NHEJ1: variants seen among roughly 807,000 people sequenced by gnomAD.
NHEJ1 encodes the protein non-homologous end-joining factor 1.
Under a neutral mutation model 39.4 loss-of-function variants are expected in NHEJ1, and 22 were observed. The ratio of observed to expected loss-of-function variants is 0.56; its 90% CI spans 0.40 to 0.80. The LOEUF is 0.80. Ranked by LOEUF, NHEJ1 falls within the 30% of genes least tolerant of loss-of-function variation. NHEJ1 has a pLI of 0.00. For missense variants in NHEJ1, 329 were observed against 357.1 expected, an observed-to-expected ratio of 0.92 and a Z score of 0.63; for synonymous variants, 154 against 135.6, an observed-to-expected ratio of 1.14 and a Z score of -0.94.
In NHEJ1 at chr2:219,121,802, G is replaced by C. The variant is rs1488493756; in HGVS notation, c.588+24878C>G. Among the ~76,000 whole-genome samples the C allele has an allele frequency of 2.0e-5, 3 of 151,586 alleles. No homozygotes were observed. The East Asian group carries it at 5.8e-4, about 29-fold the overall frequency. On this transcript the variant is annotated intron_variant, in intron 5 of 7. Coordinates refer to ENST00000356853, the MANE Select transcript of NHEJ1 (RefSeq NM_024782.3). ...GATTGCACCACCACACTCCAGCCTG[G>C]GCAATAGACCCTATCTTAAAAAAAA...
chr2:219,079,519 T>C (rs1324079220), intron 5 of NHEJ1, among the ~76,000 whole-genome samples: 2 of 152,168 alleles, frequency 1.3e-5, no homozygotes, highest in African/African-American at 4.8e-5. Context: ...AAATGTCACA[T>C]ACATTTCTAC....
At position 219,126,443 on chromosome 2, in the gene NHEJ1, T is replaced by C. The variant is rs566023722; in HGVS notation, c.588+20237A>G. On this transcript the variant is annotated intron_variant, in intron 5 of 7. Coordinates refer to ENST00000356853, the MANE Select transcript of NHEJ1 (RefSeq NM_024782.3). The stretch of plus-strand genomic sequence containing the variant: ...AAATAATAATTATGTCAATTTGGTC[T>C]TCTTTTTATCTGAGTAGGTGATCAA... Among the ~76,000 whole-genome samples, 4 of 152,356 alleles carry C rather than the reference T, an allele frequency of 2.6e-5. No homozygotes were observed. The East Asian group carries it at 7.7e-4, about 29-fold the overall frequency.
intron 4 of NHEJ1, among the ~76,000 whole-genome samples, chr2:219,147,406 C>A (rs1453497779): frequency 6.6e-6 from 1 of 152,178 alleles, no homozygotes; most frequent in Non-Finnish European, 1.5e-5. Flanking sequence ...CGCTTGAGCC[C>A]ACGAGGCGGA....
intron 5 of NHEJ1, among the ~76,000 whole-genome samples, chr2:219,084,148 A>T (rs1196087916): frequency 6.6e-6 from 1 of 151,898 alleles, no homozygotes; most frequent in African/African-American, 2.4e-5. Flanking sequence ...CTGGGACCAC[A>T]GGCACCTGCC....
intron 5 of NHEJ1, among the ~76,000 whole-genome samples, chr2:219,142,910 T>C (rs1949704765): frequency 6.6e-6 from 1 of 152,170 alleles, no homozygotes; most frequent in Non-Finnish European, 1.5e-5. Context: ...TCCCCAGAAT[T>C]GAGAAATCAG....
At chr2:219,077,417 G>GAA in intron 6 of NHEJ1, 53 bp from the exon 7 acceptor site, 7 of 1,320,602 alleles carry the variant, frequency 5.3e-6, no homozygotes, top group Non-Finnish European at 6.6e-6. Context: ...CTTCTTACCA[G>GAA]GAAGATATTA....
Position 219,102,170 on chromosome 2 carries a change from T to A in NHEJ1, c.589-23964A>T, listed in dbSNP as rs543384505. On this transcript the variant is annotated intron_variant, in intron 5 of 7. Transcript: ENST00000356853. ...GGTGTTTTTGCATGTTTAATAATTT[T>A]ATAGAGTACATTCCCACTGGCTAGA... 2.2e-4 allele frequency among the ~76,000 whole-genome samples: 33 copies of A among 152,348 alleles called. No individual in the cohort carries two copies. The South Asian group carries it at 6.8e-3, about 32-fold the overall frequency.
intron 5 of NHEJ1, chr2:219,095,154 A>G: frequency 2.5e-6 from 1 of 394,728 alleles, no homozygotes; most frequent in Non-Finnish European, 5.3e-6. Flanking sequence ...GTGGCTAAGG[A>G]AACACTTGGC....
chr2:219,158,290 C>T lies in NHEJ1; in HGVS notation c.73G>A (p.Ala25Thr). 3.1e-6 allele frequency: 5 copies of T among 1,614,182 alleles called. No homozygotes were observed. The highest frequency in any genetic ancestry group is 4.2e-6 in the Non-Finnish European group (5 of 1,180,046). ...WLQLAENSLL[A>T]KVFITKQGYA... ...CCCTGCTTGGTGATAAAAACCTTGG[C>T]CAAGAGGGAGTTCTCTGCAAGCTGT... is the stretch of plus-strand genomic sequence containing the variant. Residue 25 changes from alanine (A) to threonine (T), a missense_variant, in exon 2 of 8, where the codon GCC (alanine) becomes ACC (threonine). Coordinates refer to ENST00000356853, the MANE Select transcript of NHEJ1 (RefSeq NM_024782.3).
chr2:219,103,184 A>C (rs1009919774), intron 5 of NHEJ1, among the ~76,000 whole-genome samples: 29 of 151,580 alleles, frequency 1.9e-4, no homozygotes, highest in African/African-American at 5.3e-4. Context: ...AAAAAAAAAA[A>C]AACTGAAAAC....
intron 5 of NHEJ1, among the ~76,000 whole-genome samples, chr2:219,113,264 C>T (rs1203541935): frequency 6.6e-6 from 1 of 151,934 alleles, no homozygotes; most frequent in East Asian, 1.9e-4. Flanking sequence ...GAAGAATTTC[C>T]AACGCTGCAG....
chr2:219,147,494 A>AC (rs1949752462), intron 4 of NHEJ1, among the ~76,000 whole-genome samples, 163 bp downstream of exon 4: 1 of 152,168 alleles, frequency 6.6e-6, no homozygotes, highest in Non-Finnish European at 1.5e-5. Context: ...AAACAAACAA[A>AC]CAAAAAAGAG....
At chr2:219,118,816 G>C (rs1234490297) in intron 5 of NHEJ1, among the ~76,000 whole-genome samples, 1 of 152,206 alleles carries the variant, frequency 6.6e-6, no homozygotes, top group African/African-American at 2.4e-5. Flanking sequence ...TGAAGGGAGT[G>C]GGGAAATTAG....
chr2:219,086,061 C>T (rs921832061), intron 5 of NHEJ1, among the ~76,000 whole-genome samples: 1 of 152,162 alleles, frequency 6.6e-6, no homozygotes, highest in Non-Finnish European at 1.5e-5. Flanking sequence ...AAACAGAAGG[C>T]TTGAATAATA....
intron 3 of NHEJ1, among the ~76,000 whole-genome samples, chr2:219,152,789 T>TTTATTTATTTATTTA (rs1949809667): frequency 1.7e-4 from 15 of 87,736 alleles, no homozygotes; most frequent in Admixed American, 3.3e-4. Context: ...ATTTATTTAT[T>TTTATTTATTTATTTA]TTTATTTATT....
rs118204451 is a variant in NHEJ1, at chr2:219,158,194, G to A, written c.169C>T (p.Arg57Ter). The change falls in exon 2 of 8, where the codon CGA becomes TGA. Residue 57 changes from arginine (R) to a stop codon, truncating the protein, a stop_gained. Coordinates refer to ENST00000356853, the MANE Select transcript of NHEJ1 (RefSeq NM_024782.3). LOFTEE classifies it high-confidence loss of function. ...EQVDTSVVSQRAKELNKRLTA... is the reference protein window; with the variant it reads ...EQVDTSVVSQ ...CTTCTCCTCATACTTACCTTGGCTC[G>A]CTGGCTGACCACACTAGTGTCCACC... is the stretch of plus-strand genomic sequence containing the variant. 8 of 1,614,102 alleles carry A rather than the reference G, an allele frequency of 5.0e-6. No homozygotes were observed. The highest frequency in any genetic ancestry group is 2.2e-5 in the East Asian group (1 of 44,884).
chr2:219,131,097 GAAAA>G (rs1011854603), intron 5 of NHEJ1, among the ~76,000 whole-genome samples: 1 of 151,614 alleles, frequency 6.6e-6, no homozygotes, highest in Non-Finnish European at 1.5e-5. Context: ...GTCTCAAAAA[GAAAA>G]AAAACAAACA....
intron 5 of NHEJ1, among the ~76,000 whole-genome samples, chr2:219,138,316 T>C (rs1949656556): frequency 6.6e-6 from 1 of 152,230 alleles, no homozygotes; most frequent in Non-Finnish European, 1.5e-5. Flanking sequence ...TCAAGGTTTA[T>C]ATACACTTCA....
chr2:219,109,311 C>T (rs1219245111), intron 5 of NHEJ1, among the ~76,000 whole-genome samples: 2 of 152,164 alleles, frequency 1.3e-5, no homozygotes, highest in Non-Finnish European at 2.9e-5. Flanking sequence ...ATACCAATTC[C>T]CAGCCCCAAA....
Sources: gnomAD v4.1 joint callset for allele counts (sites outside exome capture counted in the v4.1 genomes callset) on GRCh38, gnomAD v4.1.1 for gene constraint, MANE v1.5 for transcripts, NCBI Gene and HGNC (gene_info 2026-07-23, HGNC 2026-07-21) for gene names.